Variants in ERBB4 observed in about 807,000 individuals in gnomAD.
ERBB4 encodes the protein receptor tyrosine-protein kinase erbB-4.
A neutral mutation model predicts 158.0 loss-of-function variants in ERBB4; 42 were observed. The observed-to-expected ratio is 0.27, with a 90% CI of 0.21 to 0.34. The LOEUF is 0.34. Among genes scored for constraint, ERBB4 ranks in the 10% least tolerant of loss-of-function variants. The probability of loss-of-function intolerance (pLI) is 1.00; values close to 1 mark genes in which losing one functional copy is unlikely to be tolerated. For synonymous variants in ERBB4, 583 were observed against 558.7 expected (o/e 1.04, Z -0.61); for missense variants, 1,333 against 1,624.1 (o/e 0.82, Z 3.08).
At chr2:211,843,281 T>C (rs901941775) in intron 3 of ERBB4, among the ~76,000 whole-genome samples, 1 of 152,176 alleles carries the variant, frequency 6.6e-6, no homozygotes, top group Non-Finnish European at 1.5e-5. Context: ...AAAAGTCAGC[T>C]TTCATATTGG....
chr2:212,395,014 C>T (rs1356032790), intron 1 of ERBB4, among the ~76,000 whole-genome samples: 2 of 152,084 alleles, frequency 1.3e-5, no homozygotes, highest in East Asian at 3.9e-4. Flanking sequence ...ATTAGTAAAA[C>T]ATAAAACTTT....
At chr2:212,264,744 C>T (rs984711072) in intron 1 of ERBB4, among the ~76,000 whole-genome samples, 3 of 151,644 alleles carry the variant, frequency 2.0e-5, no homozygotes, top group Admixed American at 6.6e-5. Flanking sequence ...AAAAAAGCAC[C>T]GTGAATATTA....
At chr2:211,621,295 G>T (rs988190727) in intron 18 of ERBB4, among the ~76,000 whole-genome samples, 15 of 151,096 alleles carry the variant, frequency 9.9e-5, no homozygotes, top group African/African-American at 3.7e-4. Context: ...CATGATATTG[G>T]TCCTAATCTT....
At chr2:211,567,696 A>G (rs2067591315) in intron 19 of ERBB4, among the ~76,000 whole-genome samples, 1 of 152,146 alleles carries the variant, frequency 6.6e-6, no homozygotes, top group African/African-American at 2.4e-5. Context: ...CACACTACAA[A>G]GAGTATTTGA....
At chr2:212,238,041 G>A (rs1195612600) in intron 1 of ERBB4, among the ~76,000 whole-genome samples, 1 of 152,222 alleles carries the variant, frequency 6.6e-6, no homozygotes, top group Non-Finnish European at 1.5e-5. Context: ...CGCTGAGCTA[G>A]ACCACTTAAC....
intron 1 of ERBB4, among the ~76,000 whole-genome samples, chr2:212,349,558 T>C (rs1574741738): frequency 6.6e-6 from 1 of 152,276 alleles, no homozygotes; most frequent in East Asian, 1.9e-4. Context: ...CTTATTGATA[T>C]TGACCTAGAT....
chr2:211,883,652 C>A (rs1276807668), intron 3 of ERBB4, among the ~76,000 whole-genome samples: 1 of 151,592 alleles, frequency 6.6e-6, no homozygotes, highest in African/African-American at 2.4e-5. Flanking sequence ...CTGGCGTTGT[C>A]GTGGGCACCT....
intron 1 of ERBB4, among the ~76,000 whole-genome samples, chr2:212,373,490 C>T (rs908258262): frequency 8.6e-5 from 13 of 151,762 alleles, no homozygotes; most frequent in African/African-American, 2.9e-4. Context: ...TTTCCATTTA[C>T]TCAAGGATTA....
At chr2:212,169,725 C>T (rs12694265) in intron 1 of ERBB4, among the ~76,000 whole-genome samples, 71,803 of 151,886 alleles carry the variant, frequency 0.47, 20,020 homozygotes, top group Non-Finnish European at 0.64. Flanking sequence ...TGGATCATGG[C>T]GGTGATTTTC....
intron 1 of ERBB4, among the ~76,000 whole-genome samples, chr2:212,461,593 G>A (rs1416086705): frequency 6.6e-6 from 1 of 152,168 alleles, no homozygotes; most frequent in Non-Finnish European, 1.5e-5. Context: ...TGTCTCAGAT[G>A]AGACATTGGA....
chr2:211,627,601 G>A (rs2069912305), intron 17 of ERBB4, among the ~76,000 whole-genome samples: 1 of 152,188 alleles, frequency 6.6e-6, no homozygotes, highest in Non-Finnish European at 1.5e-5. Flanking sequence ...TGCAAAATGT[G>A]TGAATGAATT....
intron 1 of ERBB4, among the ~76,000 whole-genome samples, chr2:212,442,420 A>G (rs1189900718): frequency 6.6e-6 from 1 of 152,116 alleles, no homozygotes; most frequent in Non-Finnish European, 1.5e-5. Context: ...TCCTTCCCCA[A>G]GGAAACTTAA....
At chr2:211,731,996 G>A (rs1433753369) in intron 5 of ERBB4, among the ~76,000 whole-genome samples, 1 of 151,694 alleles carries the variant, frequency 6.6e-6, no homozygotes, top group East Asian at 2.0e-4. Context: ...TCTGGGGAAG[G>A]TGTCAGAAAA....
chr2:212,260,591 T>A (rs879930380), intron 1 of ERBB4, among the ~76,000 whole-genome samples: 1 of 152,108 alleles, frequency 6.6e-6, no homozygotes, highest in African/African-American at 2.4e-5. Flanking sequence ...GGCGGGCAGA[T>A]CACTTGAGGT....
At chr2:212,295,857 C>T (rs1464252357) in intron 1 of ERBB4, among the ~76,000 whole-genome samples, 4 of 151,986 alleles carry the variant, frequency 2.6e-5, no homozygotes, top group South Asian at 2.1e-4. Flanking sequence ...AGAATAAATA[C>T]GTGAATTTTA....
intron 3 of ERBB4, among the ~76,000 whole-genome samples, chr2:211,830,837 C>T (rs1427622667): frequency 6.6e-6 from 1 of 151,892 alleles, no homozygotes; most frequent in Non-Finnish European, 1.5e-5. Flanking sequence ...TAATCTTGCA[C>T]CATTAATTAA....
intron 18 of ERBB4, among the ~76,000 whole-genome samples, chr2:211,621,083 C>T (rs949143096): frequency 9.9e-5 from 15 of 151,982 alleles, no homozygotes; most frequent in Non-Finnish European, 1.6e-4. Flanking sequence ...CCACTGCCCT[C>T]CACCCTGGCC....
intron 3 of ERBB4, among the ~76,000 whole-genome samples, chr2:211,933,231 T>C (rs1043301016): frequency 2.0e-5 from 3 of 152,090 alleles, no homozygotes; most frequent in African/African-American, 7.2e-5. Flanking sequence ...TCTAAGTACG[T>C]GAAATGACAG....
intron 20 of ERBB4, among the ~76,000 whole-genome samples, chr2:211,517,698 C>T (rs1372502345): frequency 1.3e-5 from 2 of 152,110 alleles, no homozygotes; most frequent in South Asian, 2.1e-4. Context: ...AAGCGAATCA[C>T]TGTGCTTACA....
Sources: gnomAD v4.1 joint callset for allele counts (sites outside exome capture counted in the v4.1 genomes callset) on GRCh38, gnomAD v4.1.1 for gene constraint, MANE v1.5 for transcripts, NCBI Gene and HGNC (gene_info 2026-07-23, HGNC 2026-07-21) for gene names.